The following NDUFS5 variants were observed in gnomAD, a reference collection of about 807,000 sequenced individuals.
NDUFS5 encodes NADH dehydrogenase [ubiquinone] iron-sulfur protein 5.
NDUFS5 carries 7 observed loss-of-function variants against 10.5 expected under a neutral mutation model. The observed-to-expected ratio is 0.66, with a 90% confidence interval of 0.38 to 1.25. The LOEUF (loss-of-function observed/expected upper bound fraction) is 1.25. Ranked by LOEUF, NDUFS5 falls within the 50% of genes most tolerant of loss-of-function variation. NDUFS5 has a pLI of 0.02. For missense variants in NDUFS5, 148 were observed against 140.7 expected (o/e 1.05, Z -0.26); for synonymous variants, 38 against 44.0 (o/e 0.86, Z 0.54).
intron 2 of NDUFS5, among the ~76,000 whole-genome samples, chr1:39,033,081 G>C (rs545037927): frequency 6.6e-6 from 1 of 152,304 alleles, no homozygotes; most frequent in East Asian, 1.9e-4. Context: ...ACACACTTGT[G>C]TAACATAGTT....
intron 1 of NDUFS5, among the ~76,000 whole-genome samples, chr1:39,027,360 C>T (rs1644156739): frequency 6.6e-6 from 1 of 152,204 alleles, no homozygotes; most frequent in Admixed American, 6.6e-5. Flanking sequence ...GCGTGAGCCA[C>T]TGCGCCCAAC....
chr1:39,028,357 T>G (rs11205582), intron 1 of NDUFS5, among the ~76,000 whole-genome samples: 1 of 151,778 alleles, frequency 6.6e-6, no homozygotes, highest in Admixed American at 6.6e-5. Flanking sequence ...GCTTGAACCC[T>G]GGAGGAGGAG....
At chr1:39,026,503 C>T (rs1443072695) in intron 1 of NDUFS5, 101 bp downstream of exon 1, 1 of 152,462 alleles carries the variant, frequency 6.6e-6, no homozygotes, top group Non-Finnish European at 1.5e-5. Context: ...TCCCCTTCTC[C>T]CAGACCTGAA....
At chr1:39,030,110 AC>A (rs1387260606) in intron 2 of NDUFS5, among the ~76,000 whole-genome samples, 2 of 149,512 alleles carry the variant, frequency 1.3e-5, no homozygotes, top group Non-Finnish European at 1.5e-5. Flanking sequence ...AACCAAAAAA[AC>A]AAATTTAAAA....
intron 2 of NDUFS5, 57 bp from the exon 3 acceptor site, chr1:39,034,335 T>C: frequency 6.5e-7 from 1 of 1,544,162 alleles, no homozygotes; most frequent in East Asian, 2.3e-5. Context: ...TTTTTCCAGT[T>C]CTCACTTTTT....
intron 2 of NDUFS5, among the ~76,000 whole-genome samples, chr1:39,033,336 G>A (rs1644202950): frequency 6.6e-6 from 1 of 152,006 alleles, no homozygotes; most frequent in Admixed American, 6.5e-5. Flanking sequence ...CACTTTGGGA[G>A]GCCGAGGCTG....
chr1:39,031,341 T>C (rs908625966), intron 2 of NDUFS5, among the ~76,000 whole-genome samples: 3 of 151,970 alleles, frequency 2.0e-5, no homozygotes, highest in Non-Finnish European at 4.4e-5. Flanking sequence ...CAGGGTCTTG[T>C]TCTGTCACCC....
In NDUFS5 at chr1:39,026,937, T is replaced by G. The variant is rs902443548; in HGVS notation, c.-3+535T>G. 2.0e-5 allele frequency among the ~76,000 whole-genome samples: 3 copies of G among 152,370 alleles called. 1 individual carries two copies. The highest frequency in any genetic ancestry group is 6.8e-3 in the Middle Eastern group (2 of 294). The stretch of plus-strand genomic sequence containing the variant: ...CGAGCTCTTACCCACTCGTGTTCCT[T>G]GCAGTGTATTCGCAATTCCGAGTGT... On this transcript the variant is annotated intron_variant, in intron 1 of 2. Coordinates refer to ENST00000372969, the MANE Select transcript of NDUFS5 (RefSeq NM_004552.3).
chr1:39,026,944 T>A (rs1258476565), intron 1 of NDUFS5, among the ~76,000 whole-genome samples: 1 of 152,234 alleles, frequency 6.6e-6, no homozygotes, highest in Non-Finnish European at 1.5e-5. Context: ...CCTTGCAGTG[T>A]ATTCGCAATT....
Position 39,034,573 on chromosome 1 carries a change from C to T in NDUFS5, c.*77C>T. ...ACTGGAAAGGTTGTTTACGACAAACCTCCTTGTCAAAGTGTGTAAAAATAA... is the reference window on the plus strand; with the variant it reads ...ACTGGAAAGGTTGTTTACGACAAACTTCCTTGTCAAAGTGTGTAAAAATAA... On this transcript the variant is annotated 3_prime_UTR_variant, in exon 3 of 3. Transcript: ENST00000372969. The T allele has an allele frequency of 3.3e-6, 4 of 1,199,468 alleles. No individual in the cohort carries two copies. Among genetic ancestry groups the T allele is most frequent in the Non-Finnish European group, 3.7e-6 (3 of 812,064 alleles). The allele number at this position is 1,199,468 out of a possible 1,614,324, so 74.3% of individuals were successfully genotyped here.
intron 1 of NDUFS5, among the ~76,000 whole-genome samples, chr1:39,026,721 A>T (rs1644151225): frequency 6.6e-6 from 1 of 152,122 alleles, no homozygotes; most frequent in Admixed American, 6.6e-5. Flanking sequence ...CGGCCTCCTG[A>T]GCTCATTTCA....
chr1:39,032,640 A>C (rs1570993215), intron 2 of NDUFS5, among the ~76,000 whole-genome samples: 1 of 152,062 alleles, frequency 6.6e-6, no homozygotes, highest in Admixed American at 6.6e-5. Flanking sequence ...CTTATGCTAT[A>C]GTGGGAGGAA....
chr1:39,026,949 G>T (rs1255392813), intron 1 of NDUFS5, among the ~76,000 whole-genome samples: 1 of 152,196 alleles, frequency 6.6e-6, no homozygotes, highest in Non-Finnish European at 1.5e-5. Flanking sequence ...CAGTGTATTC[G>T]CAATTCCGAG....
chr1:39,026,958 A>G (rs1644153004), intron 1 of NDUFS5, among the ~76,000 whole-genome samples: 1 of 152,084 alleles, frequency 6.6e-6, no homozygotes, highest in African/African-American at 2.4e-5. Context: ...CGCAATTCCG[A>G]GTGTGTGTCT....
At chr1:39,028,112 G>A (rs1570990317) in intron 1 of NDUFS5, among the ~76,000 whole-genome samples, 3 of 139,316 alleles carry the variant, frequency 2.2e-5, no homozygotes, top group Non-Finnish European at 4.6e-5. Flanking sequence ...GAGCCACCGC[G>A]CCTGGCCCAC....
chr1:39,034,274 C>A, intron 2 of NDUFS5, 118 bp from the exon 3 acceptor site: 1 of 855,702 alleles, frequency 1.2e-6, no homozygotes, highest in Non-Finnish European at 1.9e-6. Context: ...TCAGAGGCCC[C>A]GTAAGATGAA....
Position 39,028,776 on chromosome 1 carries a change from T to G in NDUFS5, c.52T>G (p.Leu18Val). The part of the protein sequence containing the change: ...KRFGLNIDRW[L>V]TIQSGEQPYK... Reference sequence around the variant, plus strand: ...GTTCGGCCTTAACATAGATCGATGGTTGACAATCCAGAGTGGTGAACAGCC... The same window carrying G: ...GTTCGGCCTTAACATAGATCGATGGGTGACAATCCAGAGTGGTGAACAGCC... The change falls in exon 2 of 3, where the codon TTG (leucine) becomes GTG (valine). Residue 18 changes from leucine to valine, a missense_variant. Coordinates refer to ENST00000372969, the MANE Select transcript of NDUFS5 (RefSeq NM_004552.3). The G allele has an allele frequency of 6.2e-7, 1 of 1,614,166 alleles. No individual in the cohort carries two copies. Among genetic ancestry groups the G allele is most frequent in the Non-Finnish European group, 8.5e-7 (1 of 1,180,024 alleles).
At chr1:39,028,619 G>T in intron 1 of NDUFS5, 104 bp from the exon 2 acceptor site, 1 of 998,268 alleles carries the variant, frequency 1.0e-6, no homozygotes, top group Non-Finnish European at 1.6e-6. Context: ...CAGTGTTCTA[G>T]AGGGCTACTT....
intron 1 of NDUFS5, among the ~76,000 whole-genome samples, chr1:39,027,581 GT>G (rs760373747): frequency 3.8e-4 from 35 of 91,156 alleles, no homozygotes; most frequent in East Asian, 1.4e-3. Context: ...TTTCGCTCTG[GT>G]TTTTTTTTTT....
Sources: gnomAD v4.1 joint callset for allele counts (sites outside exome capture counted in the v4.1 genomes callset) on GRCh38, gnomAD v4.1.1 for gene constraint, MANE v1.5 for transcripts, NCBI Gene and HGNC (gene_info 2026-07-23, HGNC 2026-07-21) for gene names.